Variants in MGAT4C observed in about 807,000 individuals in gnomAD.
The protein encoded by MGAT4C is alpha-1,3-mannosyl-glycoprotein 4-beta-N-acetylglucosaminyltransferase C.
A neutral mutation model predicts 40.1 loss-of-function variants in MGAT4C; 19 were observed. The ratio of observed to expected loss-of-function variants is 0.47; its 90% CI spans 0.33 to 0.70. The LOEUF (loss-of-function observed/expected upper bound fraction) is 0.70. Ranked by LOEUF, MGAT4C falls within the 30% of genes least tolerant of loss-of-function variation. The pLI, the probability that MGAT4C is intolerant of heterozygous loss-of-function variation, is 0.02. For synonymous variants in MGAT4C, 181 were observed against 187.1 expected (o/e 0.97, Z 0.27); for missense variants, 491 against 563.2 (o/e 0.87, Z 1.30).
chr12:86,702,529 T>C (rs967040662), intron 2 of MGAT4C, among the ~76,000 whole-genome samples: 5 of 152,326 alleles, frequency 3.3e-5, no homozygotes, highest in Non-Finnish European at 5.9e-5. Context: ...TTTACCATTC[T>C]GGAAATCCTA....
At chr12:86,627,189 G>A (rs573372851) in intron 2 of MGAT4C, among the ~76,000 whole-genome samples, 1 of 152,106 alleles carries the variant, frequency 6.6e-6, no homozygotes, top group South Asian at 2.1e-4. Flanking sequence ...CCATTGCTGA[G>A]GCTTGAGTAG....
chr12:86,436,882 G>A (rs931410373), intron 2 of MGAT4C, among the ~76,000 whole-genome samples: 2 of 151,694 alleles, frequency 1.3e-5, no homozygotes, highest in Non-Finnish European at 3.0e-5. Context: ...TATATATGAT[G>A]TTATGTTAAA....
chr12:86,161,591 G>A (rs1488293109), intron 1 of MGAT4C, among the ~76,000 whole-genome samples: 2 of 152,036 alleles, frequency 1.3e-5, no homozygotes, highest in African/African-American at 4.8e-5. Context: ...CTTGACACTG[G>A]CCTTGGTAAA....
At chr12:86,268,221 A>G (rs1418806188) in intron 4 of MGAT4C, among the ~76,000 whole-genome samples, 1 of 152,130 alleles carries the variant, frequency 6.6e-6, no homozygotes, top group Non-Finnish European at 1.5e-5. Flanking sequence ...CAAATTTTAC[A>G]GATGTGAAAA....
intron 1 of MGAT4C, among the ~76,000 whole-genome samples, chr12:86,751,028 C>T (rs567507257): frequency 5.3e-5 from 8 of 152,020 alleles, no homozygotes; most frequent in African/African-American, 1.9e-4. Flanking sequence ...CCTTGCACAT[C>T]ATAAACCAAG....
chr12:86,612,227 A>G, intron 2 of MGAT4C, among the ~76,000 whole-genome samples: 1 of 152,136 alleles, frequency 6.6e-6, no homozygotes, highest in Middle Eastern at 3.4e-3. Flanking sequence ...TTATTTTATT[A>G]TAATATTTTC....
rs1884232423 is a variant in MGAT4C at position 85,979,048 on chromosome 12, A to C, written c.*241T>G. The C allele has an allele frequency of 3.4e-6, 1 of 295,944 alleles. No homozygotes were observed. Among genetic ancestry groups the C allele is most frequent in the East Asian group, 5.4e-5 (1 of 18,352 alleles). The allele number at this position is 295,944 out of a possible 1,614,324, so 18.3% of individuals were successfully genotyped here. A position where few individuals can be genotyped will look rare whatever the true frequency, so the allele number is the denominator to read the frequency against. On this transcript the variant is annotated 3_prime_UTR_variant, in exon 5 of 5. Coordinates refer to ENST00000611864, the MANE Select transcript of MGAT4C (RefSeq NM_001351288.2). ...CAGTTGAAATTTTAAAACTAAGAAC[A>C]TTTAAAAATATAAATGAAAGTAGCA...
intron 1 of MGAT4C, among the ~76,000 whole-genome samples, chr12:86,111,411 C>A (rs1480579518): frequency 6.6e-6 from 1 of 151,708 alleles, no homozygotes; most frequent in Non-Finnish European, 1.5e-5. Flanking sequence ...ATACATAATA[C>A]AAGACTATGG....
intron 2 of MGAT4C, among the ~76,000 whole-genome samples, chr12:86,489,421 G>C (rs975431783): frequency 6.6e-6 from 1 of 152,188 alleles, no homozygotes; most frequent in East Asian, 1.9e-4. Flanking sequence ...CACACCAAGT[G>C]TGGGTACCCT....
intron 2 of MGAT4C, among the ~76,000 whole-genome samples, chr12:86,720,469 A>G (rs1344751085): frequency 6.6e-6 from 1 of 152,184 alleles, no homozygotes; most frequent in Admixed American, 6.6e-5. Flanking sequence ...AATGTTCTAT[A>G]TGTTATGTTT....
At chr12:86,408,479 C>CTATATATA (rs71076198) in intron 3 of MGAT4C, among the ~76,000 whole-genome samples, 62 of 63,320 alleles carry the variant, frequency 9.8e-4, no homozygotes, top group East Asian at 2.2e-3. Flanking sequence ...CTCTCTCTCT[C>CTATATATA]TATATATATA....
At chr12:86,405,941 TAA>T (rs1565737962) in intron 3 of MGAT4C, among the ~76,000 whole-genome samples, 10 of 15,372 alleles carry the variant, frequency 6.5e-4, no homozygotes, top group Non-Finnish European at 3.1e-3. Context: ...CATACATTTA[TAA>T]ATACATGTAT....
intron 2 of MGAT4C, among the ~76,000 whole-genome samples, chr12:86,596,481 G>T (rs1961542299): frequency 6.6e-6 from 1 of 152,134 alleles, no homozygotes; most frequent in Admixed American, 6.5e-5. Context: ...AAAAAAGATG[G>T]GCTCACAGAT....
chr12:86,357,737 A>C (rs916423733), intron 3 of MGAT4C, among the ~76,000 whole-genome samples: 11 of 152,184 alleles, frequency 7.2e-5, no homozygotes, highest in African/African-American at 2.7e-4. Flanking sequence ...CAGTGATTGA[A>C]GATCAAATGA....
chr12:86,522,716 C>A (rs1958816327), intron 2 of MGAT4C, among the ~76,000 whole-genome samples: 1 of 152,046 alleles, frequency 6.6e-6, no homozygotes, highest in African/African-American at 2.4e-5. Flanking sequence ...AGTAGTGAAT[C>A]CATCTGGTCC....
At chr12:86,123,526 A>G (rs1308990096) in intron 1 of MGAT4C, among the ~76,000 whole-genome samples, 2 of 152,086 alleles carry the variant, frequency 1.3e-5, no homozygotes, top group African/African-American at 4.8e-5. Flanking sequence ...TATTTGCTAT[A>G]CTGGAGGATT....
intron 3 of MGAT4C, among the ~76,000 whole-genome samples, chr12:86,335,059 G>A (rs901898963): frequency 6.6e-6 from 1 of 151,836 alleles, no homozygotes; most frequent in African/African-American, 2.4e-5. Context: ...AGTCATAATA[G>A]TTTTTCCATT....
At chr12:86,343,968 C>T (rs1954960922) in intron 3 of MGAT4C, among the ~76,000 whole-genome samples, 1 of 152,078 alleles carries the variant, frequency 6.6e-6, no homozygotes, top group South Asian at 2.1e-4. Context: ...CAGAGATAAC[C>T]TGAATTGGGA....
intron 3 of MGAT4C, among the ~76,000 whole-genome samples, chr12:86,364,256 A>G (rs947534432): frequency 5.3e-5 from 8 of 152,132 alleles, no homozygotes; most frequent in Non-Finnish European, 1.2e-4. Context: ...CAAAGCCACT[A>G]CAACAAATAA....
Sources: allele counts gnomAD v4.1 joint callset (sites outside exome capture counted in the v4.1 genomes callset), GRCh38; gene constraint gnomAD v4.1.1; transcripts MANE v1.5; gene names NCBI Gene and HGNC (gene_info 2026-07-23, HGNC 2026-07-21).